KLRG1: variants seen among roughly 807,000 people sequenced by gnomAD.
KLRG1 encodes killer cell lectin-like receptor subfamily G member 1.
In KLRG1, 16 loss-of-function variants were observed where a neutral mutation model predicts 21.8. The observed-to-expected ratio is 0.73, with a 90% CI of 0.50 to 1.11. KLRG1 has a LOEUF of 1.11. KLRG1 is among the 50% of genes most tolerant of loss of function. The pLI is 0.00. For synonymous variants in KLRG1, 69 were observed against 75.9 expected (o/e 0.91, Z 0.47); for missense variants, 173 against 218.3 (o/e 0.79, Z 1.31).
At chr12:9,098,356 G>A in the KLRG1 span, 1 of 202,726 alleles carries the variant, frequency 4.9e-6, no homozygotes, top group Admixed American at 6.0e-5. Flanking sequence ...ATCACATTTT[G>A]TCCTTTTAAA....
At chr12:9,019,883 G>T in the KLRG1 span, among the ~76,000 whole-genome samples, 3 of 152,026 alleles carry the variant, frequency 2.0e-5, no homozygotes, top group South Asian at 6.2e-4. Context: ...ACCATGCCCG[G>T]CTCTTCCTTT....
intron 1 of KLRG1, among the ~76,000 whole-genome samples, chr12:8,968,679 G>C (rs1406295473): frequency 6.6e-6 from 1 of 152,118 alleles, no homozygotes; most frequent in Non-Finnish European, 1.5e-5. Flanking sequence ...AGTGCACACA[G>C]ACTTTTACCA....
the KLRG1 span, chr12:9,109,890 T>C: frequency 2.5e-6 from 4 of 1,609,144 alleles, no homozygotes; most frequent in East Asian, 8.9e-5. Flanking sequence ...GGTGAAAGGG[T>C]GCTCTGTCCT....
chr12:9,180,784 G>A, the KLRG1 span, among the ~76,000 whole-genome samples: 1 of 152,322 alleles, frequency 6.6e-6, no homozygotes, highest in South Asian at 2.1e-4. Flanking sequence ...GGCAACAAAA[G>A]ACAAAATTGA....
chr12:9,087,502 G>A, the KLRG1 span, among the ~76,000 whole-genome samples: 1 of 152,132 alleles, frequency 6.6e-6, no homozygotes, highest in East Asian at 1.9e-4. Flanking sequence ...TATGGAGGAT[G>A]AAGCTGGAGT....
rs191455910 is a variant in KLRG1 at position 8,996,576 on chromosome 12, T to C, written c.357+1288T>C. 17 of 152,286 alleles carry C rather than the reference T, an allele frequency of 1.1e-4. No homozygotes were observed. In the East Asian group the frequency reaches 2.5e-3, roughly 22 times the overall value. 9.4% of individuals were successfully genotyped at this position (152,286 alleles called of 1,614,324 possible). On this transcript the variant is annotated intron_variant, in intron 3 of 4. Coordinates refer to ENST00000356986, the MANE Select transcript of KLRG1 (RefSeq NM_005810.4). ...TAAATTTTATAGCTACCTATATAAC[T>C]ACCTATATAAAGCATACAGATTCTT... is the stretch of plus-strand genomic sequence containing the variant.
the KLRG1 span, chr12:9,076,655 AGAG>A: frequency 9.6e-7 from 1 of 1,040,980 alleles, no homozygotes; most frequent in Non-Finnish European, 1.4e-6. Flanking sequence ...AGAAAAGAAG[AGAG>A]GAGACAGGGA....
At chr12:9,161,504 A>T in the KLRG1 span, among the ~76,000 whole-genome samples, 22 of 152,132 alleles carry the variant, frequency 1.4e-4, no homozygotes, top group East Asian at 1.7e-3. Context: ...CTTCTCATTT[A>T]ACTATATTTT....
chr12:9,073,051 A>C, the KLRG1 span, among the ~76,000 whole-genome samples: 4 of 152,218 alleles, frequency 2.6e-5, no homozygotes, highest in Admixed American at 2.6e-4. Context: ...CATAACATTC[A>C]CATATCTACC....
At chr12:9,153,318 A>G in the KLRG1 span, 55 of 1,613,664 alleles carry the variant, frequency 3.4e-5, no homozygotes, top group East Asian at 1.2e-3. Context: ...ATACCTGGAC[A>G]GGGCATGGAG....
At chr12:9,131,889 A>T in the KLRG1 span, among the ~76,000 whole-genome samples, 1 of 152,018 alleles carries the variant, frequency 6.6e-6, no homozygotes, top group Non-Finnish European at 1.5e-5. Flanking sequence ...GACACTGCTC[A>T]TTGGCTAAAC....
chr12:9,215,424 A>G, the KLRG1 span, among the ~76,000 whole-genome samples: 1 of 152,010 alleles, frequency 6.6e-6, no homozygotes, highest in Admixed American at 6.6e-5. Context: ...TTAAATTGTG[A>G]TTACTTTTTT....
At chr12:9,069,894 C>A in the KLRG1 span, 1 of 1,140,674 alleles carries the variant, frequency 8.8e-7, no homozygotes, top group South Asian at 1.3e-5. Context: ...TTTGTATTGC[C>A]AAAATAACCC....
the KLRG1 span, chr12:9,162,406 A>T: frequency 1.8e-5 from 10 of 570,764 alleles, no homozygotes; most frequent in Non-Finnish European, 2.5e-5. Context: ...GTACCACCTG[A>T]GTCACATTAA....
chr12:9,085,989 T>G, the KLRG1 span, among the ~76,000 whole-genome samples: 2 of 152,134 alleles, frequency 1.3e-5, no homozygotes, highest in Non-Finnish European at 2.9e-5. Context: ...GTAAAGAGAT[T>G]GAATCAGTAA....
At chr12:9,109,982 G>T in the KLRG1 span, 3 of 1,613,578 alleles carry the variant, frequency 1.9e-6, no homozygotes, top group Non-Finnish European at 2.5e-6. Context: ...ATTGCTTGAG[G>T]CCACCCTCTA....
At chr12:9,139,687 T>C in the KLRG1 span, among the ~76,000 whole-genome samples, 2 of 152,198 alleles carry the variant, frequency 1.3e-5, no homozygotes, top group Non-Finnish European at 2.9e-5. Flanking sequence ...AAATTTCCCT[T>C]TTGGTCTCTT....
the KLRG1 span, among the ~76,000 whole-genome samples, chr12:9,064,108 C>T: frequency 6.6e-6 from 1 of 152,190 alleles, no homozygotes; most frequent in Non-Finnish European, 1.5e-5. The surrounding 1 kb of genome is among the most constrained non-coding windows in gnomAD (Gnocchi z 4.0). Context: ...TATACTTTCT[C>T]CTGGCCTTTT....
chr12:8,964,514 T>A (rs1946432906), intron 1 of KLRG1, among the ~76,000 whole-genome samples: 2 of 152,222 alleles, frequency 1.3e-5, no homozygotes, highest in African/African-American at 4.8e-5. Flanking sequence ...TTTATTCTGT[T>A]GATTTGGAGT....
Sources: gnomAD v4.1 joint callset for allele counts (sites outside exome capture counted in the v4.1 genomes callset) on GRCh38, gnomAD v4.1.1 for gene constraint, Gnocchi (gnomAD v3.1) non-coding constraint, MANE v1.5 for transcripts, NCBI Gene and HGNC (gene_info 2026-07-23, HGNC 2026-07-21) for gene names.